Variants in NUP58 observed in about 807,000 individuals in gnomAD.
NUP58 encodes nucleoporin 58, also known as nucleoporin p58/p45.
In NUP58, 17 loss-of-function variants were observed where a neutral mutation model predicts 70.1. The observed-to-expected ratio is 0.24, with a 90% confidence interval of 0.17 to 0.36. The LOEUF is 0.36. NUP58 is among the 10% of genes least tolerant of loss of function. The pLI is 1.00. For missense variants in NUP58, 644 were observed against 701.5 expected (o/e 0.92, Z 0.93); for synonymous variants, 275 against 257.6 (o/e 1.07, Z -0.65).
chr13:25,343,219 A>C (rs1489806549), downstream of NUP58, among the ~76,000 whole-genome samples: 4 of 151,792 alleles, frequency 2.6e-5, no homozygotes, highest in African/African-American at 7.3e-5. Flanking sequence ...TATCATTCTT[A>C]ATGCCTTTGT....
chr13:25,317,937 C>T (rs2031011191), intron 6 of NUP58: 1 of 145,406 alleles, frequency 6.9e-6, no homozygotes, highest in Non-Finnish European at 1.5e-5. Context: ...GATCTTACCT[C>T]ACTGCAACCT....
chr13:25,333,241 A>G (rs2031671712), intron 13 of NUP58: 16 of 985,388 alleles, frequency 1.6e-5, no homozygotes, highest in Non-Finnish European at 1.9e-5. Flanking sequence ...TTCATTCTCT[A>G]AATGAGTGCC....
At chr13:25,336,354 G>A in intron 13 of NUP58, 1 of 954,064 alleles carries the variant, frequency 1.0e-6, no homozygotes, top group African/African-American at 1.7e-5. Context: ...ACATTGTCTT[G>A]TTTTTTATCT....
intron 1 of NUP58, among the ~76,000 whole-genome samples, chr13:25,302,387 T>A (rs963627168): frequency 1.3e-5 from 2 of 152,254 alleles, no homozygotes; most frequent in African/African-American, 4.8e-5. Flanking sequence ...CCTTATCTGT[T>A]TTTGTTAAAA....
rs189213366 is a variant in NUP58, at chr13:25,312,831, A to G, written c.287-52A>G. On this transcript the variant is annotated intron_variant, in intron 3 of 15. Coordinates refer to ENST00000381736, the MANE Select transcript of NUP58 (RefSeq NM_014089.4). ...GAAACCAGTATAATAGAACACTTAC[A>G]GGTAAAGTAGGATTTTTGTTTGTTT... The G allele has an allele frequency of 2.6e-6, 4 of 1,521,404 alleles. No individual in the cohort carries two copies. The Admixed American group carries it at 8.0e-5, about 30-fold the overall frequency. 94.2% of individuals were successfully genotyped at this position (1,521,404 alleles called of 1,614,324 possible). A position where few individuals can be genotyped will look rare whatever the true frequency, so the allele number is the denominator to read the frequency against.
At position 25,327,008 on chromosome 13, in the gene NUP58, C is replaced by T; in HGVS notation, c.1124C>T (p.Ala375Val). Residue 375 changes from alanine (A) to valine (V), a missense_variant, in exon 11 of 16, where the codon GCA (alanine) becomes GTA (valine). Physicochemically the swap from Ala to Val is moderately conservative, Grantham distance 64. Transcript: ENST00000381736. ...CTAGAAAACCATCTTGCCACTCAAG[C>T]AAATAATTCACATATAACCCCTCAA... ...EELENHLATQ[A>V]NNSHITPQDL... 1 of 1,600,576 alleles carries T rather than the reference C, an allele frequency of 6.2e-7. No homozygotes were observed. The highest frequency in any genetic ancestry group is 1.1e-5 in the South Asian group (1 of 89,112).
chr13:25,327,095 AT>A (rs2031424784), intron 11 of NUP58, 61 bp downstream of exon 11: 1 of 950,408 alleles, frequency 1.1e-6, no homozygotes, highest in Non-Finnish European at 1.6e-6. Context: ...AGATGTGGTT[AT>A]ATAATAGGTA....
rs564590442 is a variant in NUP58, at chr13:25,348,652, G to A, written n.322-910G>A. On this transcript the variant is annotated intron_variant and non_coding_transcript_variant, in intron 3 of 3. Transcript: ENST00000477876. ...TATGCTGCTGTAGACGGTGCAGACC[G>A]TGGTTCTGGGAGCAAATATGGCTTA... 2.3e-3 allele frequency among the ~76,000 whole-genome samples: 353 copies of A among 152,316 alleles called. 2 individuals are homozygous for A. The highest frequency in any genetic ancestry group is 7.3e-3 in the Admixed American group (111 of 15,304).
chr13:25,336,395 T>A (rs988255002), intron 13 of NUP58: 5 of 706,482 alleles, frequency 7.1e-6, no homozygotes, highest in Non-Finnish European at 2.1e-6. Flanking sequence ...ATATTTCATA[T>A]GAGAAATCAT....
intron 7 of NUP58, 77 bp from the exon 8 acceptor site, chr13:25,320,453 C>G: frequency 1.0e-6 from 1 of 974,566 alleles, no homozygotes; most frequent in African/African-American, 1.6e-5. Context: ...TCTTAATACT[C>G]TAATACTCTA....
chr13:25,319,727 T>A (rs2031099855), intron 7 of NUP58, among the ~76,000 whole-genome samples: 1 of 152,112 alleles, frequency 6.6e-6, no homozygotes, highest in South Asian at 2.1e-4. Context: ...TATGTCCTGG[T>A]GTTTTCAGTG....
Position 25,315,458 on chromosome 13 carries a change from G to A in NUP58, c.676G>A (p.Asp226Asn). Residue 226 changes from aspartate to asparagine, a missense_variant, in exon 6 of 16, where the codon GAT becomes AAT. This residue lies in a region of NUP58 where 430 missense variants were observed against 409.2 expected (regional missense o/e 1.05). Transcript: ENST00000381736. ...TGGTATAGATTTCAGTAGCTCCTCA[G>A]ATAAAAAGAGTAAGTAATGCTGTTG... ...LGGIDFSSSS[D>N]KKSDKTGTRP... is the part of the protein sequence containing the mutation. 6.2e-7 allele frequency: 1 copy of A among 1,603,848 alleles called. No homozygotes were observed.
chr13:25,301,977 T>G, intron 1 of NUP58, 97 bp downstream of exon 1: 1 of 794,548 alleles, frequency 1.3e-6, no homozygotes, highest in Non-Finnish European at 2.0e-6. Context: ...TCCCTCTGGC[T>G]TCCTTCCCAG....
At chr13:25,320,420 C>CT (rs1287888581) in intron 7 of NUP58, 110 bp from the exon 8 acceptor site, 4 of 674,176 alleles carry the variant, frequency 5.9e-6, no homozygotes, top group South Asian at 4.0e-5. Context: ...GCCATACGTG[C>CT]TTTTTTGCTA....
At chr13:25,332,190 T>C (rs560152436) in intron 13 of NUP58, 10 of 985,870 alleles carry the variant, frequency 1.0e-5, no homozygotes, top group Non-Finnish European at 1.2e-5. Flanking sequence ...TTTTGAGATG[T>C]GGATTGCACA....
In NUP58 at chr13:25,327,472, C is replaced by T; in HGVS notation, c.1193C>T (p.Ala398Val). 1.2e-6 allele frequency: 2 copies of T among 1,610,186 alleles called. No homozygotes were observed. The highest frequency in any genetic ancestry group is 1.7e-6 in the Non-Finnish European group (2 of 1,178,280). ...CAGAAAATTTATCAAACATTTGTAG[C>T]TTTAGCGGCACAACTTCAGTCTATT... Reference protein sequence around the residue: ...AMQKIYQTFVALAAQLQSIHE... With the variant: ...AMQKIYQTFVVLAAQLQSIHE... Residue 398 changes from alanine to valine, a missense_variant, in exon 12 of 16, where the codon GCT (alanine) becomes GTT (valine). This residue lies in a region of NUP58 where 78 missense variants were observed against 71.3 expected (regional missense o/e 1.09). Transcript: ENST00000381736.
At chr13:25,304,478 T>TATATATATA (rs1433159616) in intron 1 of NUP58, among the ~76,000 whole-genome samples, 16 of 83,424 alleles carry the variant, frequency 1.9e-4, no homozygotes, top group Non-Finnish European at 3.0e-4. Context: ...GTTGTCAAGA[T>TATATATATA]TATATATATA....
At position 25,325,064 on chromosome 13, in the gene NUP58, G is replaced by T; in HGVS notation, c.1027G>T (p.Ala343Ser). ...PGLQHEYAAP[A>S]DYFRILVQQF... The stretch of plus-strand genomic sequence containing the variant: ...ACTTCAACATGAATATGCAGCTCCT[G>T]CTGAGTAAGTTGCTGGATTTTTAAA... Residue 343 changes from alanine to serine, a missense_variant, in exon 10 of 16, where the codon GCT becomes TCT. Physicochemically the swap from Ala to Ser is moderately conservative, Grantham distance 99. This residue lies in a region of NUP58 where 430 missense variants were observed against 409.2 expected (regional missense o/e 1.05). Transcript: ENST00000381736. 1 of 1,605,360 alleles carries T rather than the reference G, an allele frequency of 6.2e-7. No homozygotes were observed. Among genetic ancestry groups the T allele is most frequent in the Non-Finnish European group, 8.5e-7 (1 of 1,175,356 alleles).
intron 2 of NUP58, 43 bp from the exon 3 acceptor site, chr13:25,309,204 A>G (rs768787556): frequency 6.9e-7 from 1 of 1,451,464 alleles, no homozygotes; most frequent in South Asian, 1.1e-5. Flanking sequence ...AAAGAATGTC[A>G]TCTTCATTGA....
Sources: gnomAD v4.1 joint callset for allele counts (sites outside exome capture counted in the v4.1 genomes callset) on GRCh38, gnomAD v4.1.1 for gene constraint, gnomAD v4.1.1 regional missense constraint, MANE v1.5 for transcripts, NCBI Gene and HGNC (gene_info 2026-07-23, HGNC 2026-07-21) for gene names.